Variants in UTS2 observed in about 807,000 individuals in gnomAD.
UTS2 encodes the protein urotensin-2.
In UTS2, 10 loss-of-function variants were observed where a neutral mutation model predicts 12.6. The ratio of observed to expected loss-of-function variants is 0.80; its 90% CI spans 0.49 to 1.35. UTS2 has a LOEUF of 1.35. UTS2 is among the 40% of genes most tolerant of loss of function. UTS2 has a pLI of 0.00. For synonymous variants in UTS2, 52 were observed against 50.0 expected, an observed-to-expected ratio of 1.04 and a Z score of -0.17; for missense variants, 142 against 143.2, an observed-to-expected ratio of 0.99 and a Z score of 0.04.
At chr1:7,861,678 T>A in the UTS2 span, among the ~76,000 whole-genome samples, 1 of 152,144 alleles carries the variant, frequency 6.6e-6, no homozygotes, top group East Asian at 1.9e-4. Context: ...GTAGCCAGGC[T>A]TGGTGCCCAC....
At chr1:7,852,867 C>T (rs1213793087) in intron 1 of UTS2, 34 bp downstream of exon 1, 1 of 1,582,824 alleles carries the variant, frequency 6.3e-7, no homozygotes, top group Non-Finnish European at 8.6e-7. Context: ...AAGGCTCTTT[C>T]AAGACTAACA....
At chr1:7,905,336 G>A in the UTS2 span, among the ~76,000 whole-genome samples, 1 of 151,640 alleles carries the variant, frequency 6.6e-6, no homozygotes. Context: ...GTAGACACGG[G>A]GTTTCTCCAT....
At chr1:7,877,886 AT>A in the UTS2 span, among the ~76,000 whole-genome samples, 2 of 147,686 alleles carry the variant, frequency 1.4e-5, no homozygotes, top group East Asian at 4.0e-4. Flanking sequence ...AAAAAAAAAA[AT>A]TTGGTTGAAA....
At chr1:7,868,549 C>T in the UTS2 span, among the ~76,000 whole-genome samples, 12 of 152,188 alleles carry the variant, frequency 7.9e-5, no homozygotes, top group Non-Finnish European at 1.5e-4. Flanking sequence ...GCCAGCCCAG[C>T]AGACACAACC....
Position 7,850,814 on chromosome 1 carries a change from G to A in UTS2, c.212C>T (p.Ala71Val), listed in dbSNP as rs2097413184. The A allele has an allele frequency of 6.2e-7, 1 of 1,614,126 alleles. No individual in the cohort carries two copies. Among genetic ancestry groups the A allele is most frequent in the Non-Finnish European group, 8.5e-7 (1 of 1,179,992 alleles). ...TATAAACATGAGAAGCATTTTACCTGCTTTCCTGAGAATATCCCCTCTTTC... is the reference window on the plus strand; with the variant it reads ...TATAAACATGAGAAGCATTTTACCTACTTTCCTGAGAATATCCCCTCTTTC... ...GAERGDILRK[A>V]DSSTNIFNPR... The change falls in exon 2 of 4, where the codon GCA (alanine) becomes GTA (valine). Residue 71 changes from alanine (A) to valine (V), a missense_variant and splice_region_variant. By Grantham distance (64) the Ala-to-Val change is moderately conservative. Transcript: ENST00000361696.
chr1:7,891,852 G>T, the UTS2 span, among the ~76,000 whole-genome samples: 4 of 152,274 alleles, frequency 2.6e-5, no homozygotes, highest in South Asian at 8.3e-4. Context: ...GAACATTCAA[G>T]CTCATCTATA....
chr1:7,848,284 CA>C (rs1354626449), intron 3 of UTS2, among the ~76,000 whole-genome samples: 1 of 151,894 alleles, frequency 6.6e-6, no homozygotes, highest in Non-Finnish European at 1.5e-5. Context: ...CTCGTCTCTA[CA>C]AAAATTAGCT....
chr1:7,868,015 G>T, the UTS2 span, among the ~76,000 whole-genome samples: 1 of 152,124 alleles, frequency 6.6e-6, no homozygotes, highest in Non-Finnish European at 1.5e-5. Context: ...ATCAGACAAA[G>T]AAAAATAATT....
At chr1:7,882,074 T>C in the UTS2 span, among the ~76,000 whole-genome samples, 1 of 152,100 alleles carries the variant, frequency 6.6e-6, no homozygotes, top group East Asian at 1.9e-4. Flanking sequence ...GTGGCATATG[T>C]GTGTAACCCC....
At chr1:7,869,018 G>A in the UTS2 span, among the ~76,000 whole-genome samples, 1 of 152,198 alleles carries the variant, frequency 6.6e-6, no homozygotes, top group Non-Finnish European at 1.5e-5. Context: ...AGAAATGAAT[G>A]TCTGTTGTTT....
chr1:7,886,277 T>C, the UTS2 span, among the ~76,000 whole-genome samples: 3 of 152,358 alleles, frequency 2.0e-5, no homozygotes, highest in East Asian at 3.9e-4. Flanking sequence ...GACGACTTTA[T>C]TCCAAGTGAC....
At chr1:7,878,758 G>A in the UTS2 span, among the ~76,000 whole-genome samples, 1 of 152,046 alleles carries the variant, frequency 6.6e-6, no homozygotes, top group Non-Finnish European at 1.5e-5. Context: ...TGATCCAACT[G>A]CATGATGCCT....
chr1:7,869,195 T>C, the UTS2 span, among the ~76,000 whole-genome samples: 4 of 152,208 alleles, frequency 2.6e-5, no homozygotes, highest in Non-Finnish European at 5.9e-5. Flanking sequence ...GCAGCTGACC[T>C]TGATGGGCCT....
At chr1:7,911,712 G>C in the UTS2 span, among the ~76,000 whole-genome samples, 1 of 152,094 alleles carries the variant, frequency 6.6e-6, no homozygotes, top group Non-Finnish European at 1.5e-5. Flanking sequence ...GACCAGCCTG[G>C]CCAACATGGC....
the UTS2 span, among the ~76,000 whole-genome samples, chr1:7,902,052 C>G: frequency 1.3e-5 from 2 of 152,130 alleles, no homozygotes; most frequent in Non-Finnish European, 2.9e-5. Context: ...GGGCTGGACT[C>G]AGCGCTGGTA....
At chr1:7,891,376 A>C in the UTS2 span, among the ~76,000 whole-genome samples, 2 of 151,950 alleles carry the variant, frequency 1.3e-5, no homozygotes, top group Non-Finnish European at 2.9e-5. Context: ...AAATACAAAA[A>C]TTAGCCAGGC....
chr1:7,863,330 C>T, the UTS2 span, among the ~76,000 whole-genome samples: 49 of 151,866 alleles, frequency 3.2e-4, 1 homozygote, highest in South Asian at 6.8e-3. Context: ...AGGCTGGTCT[C>T]GAACTCCCGA....
intron 1 of UTS2, among the ~76,000 whole-genome samples, chr1:7,851,586 C>A (rs1187314878): frequency 6.6e-6 from 1 of 152,024 alleles, no homozygotes; most frequent in Non-Finnish European, 1.5e-5. Flanking sequence ...TGTTGCGATT[C>A]GAGGCTGTGG....
the UTS2 span, among the ~76,000 whole-genome samples, chr1:7,873,142 T>G: frequency 6.6e-6 from 1 of 152,126 alleles, no homozygotes; most frequent in African/African-American, 2.4e-5. Context: ...CCTACTGCTC[T>G]AAAAAAAATT....
Sources: gnomAD v4.1 joint callset for allele counts (sites outside exome capture counted in the v4.1 genomes callset) on GRCh38, gnomAD v4.1.1 for gene constraint, MANE v1.5 for transcripts, NCBI Gene and HGNC (gene_info 2026-07-23, HGNC 2026-07-21) for gene names.